Variants in NOL4L observed in about 807,000 individuals in gnomAD.
The protein encoded by NOL4L is nucleolar protein 4-like.
Under a neutral mutation model 64.5 loss-of-function variants are expected in NOL4L, and 7 were observed. That is an observed-to-expected ratio of 0.11 (90% CI 0.06 to 0.20). The LOEUF (loss-of-function observed/expected upper bound fraction) is 0.20. NOL4L is among the 10% of genes least tolerant of loss of function. NOL4L has a pLI of 1.00. For synonymous variants in NOL4L, 413 were observed against 401.0 expected, an observed-to-expected ratio of 1.03 and a Z score of -0.36; for missense variants, 680 against 967.1, an observed-to-expected ratio of 0.70 and a Z score of 3.94.
At chr20:32,557,791 G>A (rs984194644) in intron 1 of NOL4L, among the ~76,000 whole-genome samples, 6 of 152,314 alleles carry the variant, frequency 3.9e-5, no homozygotes, top group African/African-American at 7.2e-5. Context: ...ACAGCCAGGC[G>A]CGGTGGCTCA....
chr20:32,569,717 CT>C (rs1028066816), intron 1 of NOL4L, among the ~76,000 whole-genome samples: 2 of 152,156 alleles, frequency 1.3e-5, no homozygotes, highest in African/African-American at 4.8e-5. Flanking sequence ...TAGGCTGCCC[CT>C]GACCTCCAGC....
At chr20:32,468,888 G>A (rs548490659) in intron 5 of NOL4L, among the ~76,000 whole-genome samples, 44 of 132,990 alleles carry the variant, frequency 3.3e-4, no homozygotes, top group South Asian at 7.2e-4. Context: ...GCAACAGAGC[G>A]GGACTCCATC....
chr20:32,453,064 C>T lies in NOL4L; in HGVS notation c.1498-58G>A, dbSNP rs952061569. 14 of 1,602,062 alleles carry T rather than the reference C, an allele frequency of 8.7e-6. No homozygotes were observed. The highest frequency in any genetic ancestry group is 3.3e-5 in the South Asian group (3 of 90,768). On this transcript the variant is annotated intron_variant, in intron 8 of 10. Coordinates refer to ENST00000621426, the MANE Select transcript of NOL4L (RefSeq NM_001256798.2). The surrounding 1 kb of genome is among the most constrained non-coding windows in gnomAD (Gnocchi z 5.6). Reference sequence around the variant, plus strand: ...GGCCCGTGGGGGCCCTGGGCTTGTGCAGAGACCCTGCCCCAGGGGTGGGTG... The same window carrying T: ...GGCCCGTGGGGGCCCTGGGCTTGTGTAGAGACCCTGCCCCAGGGGTGGGTG...
chr20:32,554,190 AGG>A (rs766353205), intron 1 of NOL4L, among the ~76,000 whole-genome samples: 466 of 152,054 alleles, frequency 3.1e-3, no homozygotes, highest in Non-Finnish European at 4.6e-3. Flanking sequence ...GCGTGGTGGC[AGG>A]TGCCTGTAGT....
At chr20:32,534,987 A>AG in intron 1 of NOL4L, among the ~76,000 whole-genome samples, 1 of 151,996 alleles carries the variant, frequency 6.6e-6, no homozygotes, top group Middle Eastern at 3.4e-3. Flanking sequence ...AAAAGAAGCA[A>AG]GGGGGAGGAG....
At chr20:32,546,628 A>C (rs2145602107) in intron 1 of NOL4L, among the ~76,000 whole-genome samples, 1 of 152,052 alleles carries the variant, frequency 6.6e-6, no homozygotes, top group African/African-American at 2.4e-5. Flanking sequence ...GTAGAGACAG[A>C]GTTTCTCCAT....
In NOL4L at chr20:32,473,614, G is replaced by A. The variant is rs369184040; in HGVS notation, c.841+987C>T. On this transcript the variant is annotated intron_variant, in intron 5 of 10. Coordinates refer to ENST00000621426, the MANE Select transcript of NOL4L (RefSeq NM_001256798.2). The stretch of plus-strand genomic sequence containing the variant: ...ATTCAGGCCTTCGGGAGGCAGGCGC[G>A]CAGGTTCTGCCATGGAGATGAACTT... Among the ~76,000 whole-genome samples, 80 of 152,288 alleles carry A rather than the reference G, an allele frequency of 5.3e-4. 1 individual carries two copies. The highest frequency in any genetic ancestry group is 1.8e-3 in the African/African-American group (74 of 41,544).
chr20:32,460,198 A>AT lies in NOL4L; in HGVS notation c.842-3804dup, dbSNP rs2013914583. ...AAAAATGGCAAATTTTATGTCACAC[A>AT]TTTTACCACACACACAGAACCCAGA... On this transcript the variant is annotated intron_variant, in intron 5 of 10. Coordinates refer to ENST00000621426, the MANE Select transcript of NOL4L (RefSeq NM_001256798.2). This position sits in a 1 kb window ranked among gnomAD's most constrained non-coding sequence, Gnocchi z 5.7. Among the ~76,000 whole-genome samples the AT allele has an allele frequency of 6.6e-6, 1 of 152,190 alleles. No homozygotes were observed. Among genetic ancestry groups the AT allele is most frequent in the Non-Finnish European group, 1.5e-5 (1 of 68,024 alleles).
intron 4 of NOL4L, among the ~76,000 whole-genome samples, chr20:32,482,624 C>T (rs1017784263): frequency 1.8e-4 from 27 of 147,116 alleles, no homozygotes; most frequent in African/African-American, 6.3e-4. Context: ...CGCCGTGTCC[C>T]CTCATTAAGG....
chr20:32,477,180 G>T (rs568161992), intron 4 of NOL4L, among the ~76,000 whole-genome samples: 1 of 152,314 alleles, frequency 6.6e-6, no homozygotes, highest in South Asian at 2.1e-4. Context: ...AGAAGGCAAA[G>T]CTTCTCAGGG....
Position 32,548,113 on chromosome 20 carries a change from A to C in NOL4L, c.322-20200T>G, listed in dbSNP as rs139617842. ...TGATGTACCAGTAGGTACTATTGTC[A>C]ATACCGTTTTACAGATGAGGAAACT... On this transcript the variant is annotated intron_variant, in intron 1 of 10. Coordinates refer to ENST00000621426, the MANE Select transcript of NOL4L (RefSeq NM_001256798.2). Among the ~76,000 whole-genome samples, 8 of 152,354 alleles carry C rather than the reference A, an allele frequency of 5.3e-5. No individual in the cohort carries two copies. In the East Asian group the frequency reaches 1.4e-3, roughly 26 times the overall value.
At chr20:32,516,858 A>G (rs2017689075) in intron 3 of NOL4L, among the ~76,000 whole-genome samples, 1 of 152,248 alleles carries the variant, frequency 6.6e-6, no homozygotes, top group Non-Finnish European at 1.5e-5. Flanking sequence ...CTACTGAGGA[A>G]GAGTCAGCAT....
chr20:32,565,929 G>A (rs1434480228), intron 1 of NOL4L, among the ~76,000 whole-genome samples: 1 of 152,096 alleles, frequency 6.6e-6, no homozygotes, highest in East Asian at 1.9e-4. Context: ...GATGTGCCCT[G>A]TAGTGCCAGC....
intron 1 of NOL4L, among the ~76,000 whole-genome samples, chr20:32,556,786 T>G (rs925145254): frequency 5.9e-5 from 9 of 152,196 alleles, no homozygotes; most frequent in East Asian, 1.9e-4. Flanking sequence ...CCTCTGCCAC[T>G]GAGAGCACGT....
chr20:32,513,307 C>T (rs2017492906), intron 3 of NOL4L, among the ~76,000 whole-genome samples: 1 of 152,164 alleles, frequency 6.6e-6, no homozygotes, highest in South Asian at 2.1e-4. Context: ...CAAAAGGGTC[C>T]CTGCAACCTT....
chr20:32,444,296 A>AT lies in NOL4L; in HGVS notation c.*3299dup, dbSNP rs1313783747. 6.6e-6 allele frequency: 1 copy of AT among 152,254 alleles called. No homozygotes were observed. The highest frequency in any genetic ancestry group is 2.4e-5 in the African/African-American group (1 of 41,466). 9.4% of individuals were successfully genotyped at this position (152,254 alleles called of 1,614,324 possible). A position where few individuals can be genotyped will look rare whatever the true frequency, so the allele number is the denominator to read the frequency against. On this transcript the variant is annotated 3_prime_UTR_variant, in exon 11 of 11. Transcript: ENST00000621426. The stretch of plus-strand genomic sequence containing the variant: ...TATATAAAAATCAGACCATGGACGG[A>AT]TTGAAACTGGTATTCTGGTGAAATA...
At chr20:32,461,242 C>T (rs1047244824) in intron 5 of NOL4L, among the ~76,000 whole-genome samples, 2 of 152,172 alleles carry the variant, frequency 1.3e-5, no homozygotes, top group Admixed American at 1.3e-4. Flanking sequence ...CTATGGCTCA[C>T]CCACCCGCCC....
chr20:32,578,108 A>AAAGGAAGGAAGGAAGGAAGG (rs1333476438), intron 1 of NOL4L, among the ~76,000 whole-genome samples: 897 of 88,298 alleles, frequency 0.01, 29 homozygotes, highest in Non-Finnish European at 0.013. Context: ...AGAAAGAGAG[A>AAAGGAAGGAAGGAAGGAAGG]AAGGAAGGAA....
intron 1 of NOL4L, chr20:32,536,300 C>T (rs2018520689): frequency 1.0e-6 from 1 of 985,224 alleles, no homozygotes; most frequent in Admixed American, 6.1e-5. Flanking sequence ...GGGCGGGTCC[C>T]TCTCGGGCCG....
Sources: gnomAD v4.1 joint callset for allele counts (sites outside exome capture counted in the v4.1 genomes callset) on GRCh38, gnomAD v4.1.1 for gene constraint, Gnocchi (gnomAD v3.1) non-coding constraint, MANE v1.5 for transcripts, NCBI Gene and HGNC (gene_info 2026-07-23, HGNC 2026-07-21) for gene names.